EPHA3: variants seen among roughly 807,000 people sequenced by gnomAD.
EPHA3 encodes the protein EPH receptor A3, also known as ephrin type-A receptor 3.
Under a neutral mutation model 107.1 loss-of-function variants are expected in EPHA3, and 42 were observed. The ratio of observed to expected loss-of-function variants is 0.39; its 90% CI spans 0.31 to 0.51. The LOEUF (loss-of-function observed/expected upper bound fraction) is 0.51. Ranked by LOEUF, EPHA3 falls within the 20% of genes least tolerant of loss-of-function variation. The pLI is 0.78. For synonymous variants in EPHA3, 461 were observed against 424.8 expected, an observed-to-expected ratio of 1.09 and a Z score of -1.05; for missense variants, 1,183 against 1,211.2, an observed-to-expected ratio of 0.98 and a Z score of 0.35.
chr3:89,277,754 T>C (rs1222275009), intron 3 of EPHA3, among the ~76,000 whole-genome samples: 4 of 152,198 alleles, frequency 2.6e-5, no homozygotes, highest in Admixed American at 1.3e-4. Flanking sequence ...GGAAACTTTA[T>C]TTTCCAGTGA....
intron 5 of EPHA3, among the ~76,000 whole-genome samples, chr3:89,361,639 A>G (rs1332348903): frequency 6.6e-6 from 1 of 151,146 alleles, no homozygotes; most frequent in Non-Finnish European, 1.5e-5. Flanking sequence ...GGTTGCTTTT[A>G]CTTAATGAAA....
At chr3:89,347,791 C>A (rs1380165154) in intron 5 of EPHA3, among the ~76,000 whole-genome samples, 2 of 150,720 alleles carry the variant, frequency 1.3e-5, no homozygotes, top group Non-Finnish European at 3.0e-5. Flanking sequence ...TACGTCCCAT[C>A]AATACCTAAT....
At chr3:89,458,521 A>G (rs1710146813) in intron 15 of EPHA3, among the ~76,000 whole-genome samples, 1 of 152,170 alleles carries the variant, frequency 6.6e-6, no homozygotes, top group African/African-American at 2.4e-5. Context: ...TTTATAATCC[A>G]TTGGGTATAT....
chr3:89,248,180 A>G (rs1201598958), intron 3 of EPHA3, among the ~76,000 whole-genome samples: 3 of 152,120 alleles, frequency 2.0e-5, no homozygotes, highest in Admixed American at 6.6e-5. Context: ...CTTTTTCACC[A>G]TGAAATCCAT....
chr3:89,125,083 C>G (rs548083501), intron 1 of EPHA3, among the ~76,000 whole-genome samples: 3 of 151,902 alleles, frequency 2.0e-5, no homozygotes, highest in African/African-American at 7.2e-5. Context: ...ATAACCATAT[C>G]TTCTTCTTCT....
Position 89,480,334 on chromosome 3 carries a change from T to C in EPHA3, c.*832T>C, listed in dbSNP as rs1710599550. 1 of 233,218 alleles carries C rather than the reference T, an allele frequency of 4.3e-6. No homozygotes were observed. Among genetic ancestry groups the C allele is most frequent in the Admixed American group, 5.6e-5 (1 of 17,788 alleles). The allele number at this position is 233,218 out of a possible 1,614,324, so 14.4% of individuals were successfully genotyped here. On this transcript the variant is annotated 3_prime_UTR_variant, in exon 17 of 17. Coordinates refer to ENST00000336596, the MANE Select transcript of EPHA3 (RefSeq NM_005233.6). ...TTAAAAAATGAAATCCTTTTCCTGT[T>C]CATACACTAACCAAATCTCTCAAAT...
chr3:89,266,477 T>A (rs1195511888), intron 3 of EPHA3, among the ~76,000 whole-genome samples: 1 of 152,150 alleles, frequency 6.6e-6, no homozygotes, highest in African/African-American at 2.4e-5. Context: ...AGGATTTAAA[T>A]TCAATTTTAG....
chr3:89,451,580 A>G (rs1233371148), intron 15 of EPHA3, among the ~76,000 whole-genome samples: 1 of 152,140 alleles, frequency 6.6e-6, no homozygotes, highest in African/African-American at 2.4e-5. Context: ...AGCATTTCAG[A>G]CCTATTTGGG....
intron 7 of EPHA3, chr3:89,399,887 C>T (rs888769116): frequency 8.1e-5 from 86 of 1,067,404 alleles, no homozygotes; most frequent in Non-Finnish European, 9.3e-5. Context: ...TTGTTTTAAT[C>T]CTTAACACAT....
intron 15 of EPHA3, among the ~76,000 whole-genome samples, chr3:89,458,152 T>A (rs1322635922): frequency 6.6e-6 from 1 of 152,114 alleles, no homozygotes; most frequent in East Asian, 1.9e-4. Context: ...AGGCACCTTG[T>A]AAGGGGGCTG....
intron 16 of EPHA3, among the ~76,000 whole-genome samples, chr3:89,477,722 T>A (rs1710545969): frequency 6.6e-6 from 1 of 152,116 alleles, no homozygotes; most frequent in African/African-American, 2.4e-5. Flanking sequence ...GCCCTGGTCA[T>A]CTTTACCCAG....
chr3:89,219,726 T>A (rs1336758646), intron 3 of EPHA3, among the ~76,000 whole-genome samples: 4 of 86,588 alleles, frequency 4.6e-5, no homozygotes, highest in African/African-American at 1.8e-4. Context: ...TTTTTTTTTT[T>A]GAGACGGAGT....
intron 9 of EPHA3, among the ~76,000 whole-genome samples, chr3:89,409,883 T>C (rs909779806): frequency 6.6e-6 from 1 of 152,086 alleles, no homozygotes; most frequent in African/African-American, 2.4e-5. Flanking sequence ...TTGCTATCCT[T>C]AGGGCAACTC....
At chr3:89,285,325 T>C (rs1289137142) in intron 3 of EPHA3, among the ~76,000 whole-genome samples, 1 of 152,094 alleles carries the variant, frequency 6.6e-6, no homozygotes, top group East Asian at 1.9e-4. Context: ...TCAGTAAATA[T>C]TGGGAAAACA....
chr3:89,322,464 A>G (rs1427173918), intron 3 of EPHA3, among the ~76,000 whole-genome samples: 2 of 152,114 alleles, frequency 1.3e-5, no homozygotes, highest in Non-Finnish European at 2.9e-5. Context: ...TAGCGATGGT[A>G]CTGTACTTAC....
intron 14 of EPHA3, 43 bp from the exon 15 acceptor site, chr3:89,450,134 C>G (rs765880119): frequency 6.7e-7 from 1 of 1,500,916 alleles, no homozygotes; most frequent in East Asian, 2.4e-5. Context: ...AGTGACACTT[C>G]CTGAAAACTT....
In EPHA3 at chr3:89,424,312, A is replaced by G. The variant is rs757442284; in HGVS notation, c.2075-4794A>G. ...AGTTCTATCTTAATAAATGCAAAAA[A>G]TAAACTATTTTAATTTTAATTTTTT... On this transcript the variant is annotated intron_variant, in intron 11 of 16. Transcript: ENST00000336596. 2.8e-4 allele frequency among the ~76,000 whole-genome samples: 43 copies of G among 151,552 alleles called. No individual in the cohort carries two copies. The South Asian group carries it at 5.6e-3, about 20-fold the overall frequency.
At chr3:89,310,118 C>A (rs1424846248) in intron 3 of EPHA3, among the ~76,000 whole-genome samples, 3 of 152,062 alleles carry the variant, frequency 2.0e-5, no homozygotes, top group Non-Finnish European at 4.4e-5. Context: ...TCACTGACTT[C>A]TCTCAGCAGA....
At chr3:89,148,851 G>T (rs1423729173) in intron 2 of EPHA3, among the ~76,000 whole-genome samples, 1 of 152,016 alleles carries the variant, frequency 6.6e-6, no homozygotes, top group East Asian at 1.9e-4. Flanking sequence ...TTAGGTATTT[G>T]CAAATAGAAA....
Sources: gnomAD v4.1 joint callset for allele counts (sites outside exome capture counted in the v4.1 genomes callset) on GRCh38, gnomAD v4.1.1 for gene constraint, MANE v1.5 for transcripts, NCBI Gene and HGNC (gene_info 2026-07-23, HGNC 2026-07-21) for gene names.